The following PDE11A variants were observed in gnomAD, a reference collection of about 807,000 sequenced individuals.
The protein encoded by PDE11A is phosphodiesterase 11A.
A neutral mutation model predicts 100.5 loss-of-function variants in PDE11A; 100 were observed. The ratio of observed to expected loss-of-function variants is 1.00; its 90% confidence interval spans 0.85 to 1.18. PDE11A has a LOEUF of 1.18. Ranked by LOEUF, PDE11A falls within the 50% of genes most tolerant of loss-of-function variation. The pLI is 0.00. For missense variants in PDE11A, 1,141 were observed against 1,152.6 expected, an observed-to-expected ratio of 0.99 and a Z score of 0.15; for synonymous variants, 381 against 420.8, an observed-to-expected ratio of 0.91 and a Z score of 1.16.
At chr2:177,732,580 T>C (rs1328636954) in intron 10 of PDE11A, among the ~76,000 whole-genome samples, 2 of 152,232 alleles carry the variant, frequency 1.3e-5, no homozygotes, top group Non-Finnish European at 2.9e-5. Context: ...TATTCCCTGA[T>C]ACCATTATAA....
In PDE11A at chr2:177,712,318, A is replaced by C. The variant is rs117251030; in HGVS notation, c.2044-440T>G. Among the ~76,000 whole-genome samples, 49 of 150,440 alleles carry C rather than the reference A, an allele frequency of 3.3e-4. No individual in the cohort carries two copies. In the East Asian group the frequency reaches 7.9e-3, roughly 24 times the overall value. On this transcript the variant is annotated intron_variant, in intron 12 of 19. Transcript: ENST00000286063. Reference sequence around the variant, plus strand: ...TGCCAGATCCCACCCAAATGAGAGCAGGCAGAAGGAGAACACAACCCTTCT... The same window carrying C: ...TGCCAGATCCCACCCAAATGAGAGCCGGCAGAAGGAGAACACAACCCTTCT...
In PDE11A at chr2:177,664,146, T is replaced by C. The variant is rs3770005; in HGVS notation, c.2563-197A>G. Among the ~76,000 whole-genome samples the C allele has an allele frequency of 0.58, 87,793 of 152,094 alleles. 29,747 individuals are homozygous for C. The highest frequency in any genetic ancestry group is 0.72 in the Non-Finnish European group (48,963 of 67,978). ...ATGTTTTTACCTCTTTTTATGAGAT[T>C]TGTAAGCAAATTTACTTGAACTTTC... On this transcript the variant is annotated intron_variant, in intron 18 of 19. Transcript: ENST00000286063.
chr2:177,634,112 A>G (rs2079995880), intron 19 of PDE11A, among the ~76,000 whole-genome samples: 2 of 152,102 alleles, frequency 1.3e-5, no homozygotes, highest in African/African-American at 4.8e-5. Context: ...CATTCCACCA[A>G]TTTATTCCTT....
intron 1 of PDE11A, chr2:178,104,561 T>A: frequency 8.7e-7 from 1 of 1,148,982 alleles, no homozygotes; most frequent in Non-Finnish European, 1.3e-6. Flanking sequence ...TTCCATCATT[T>A]TGACTGAAGT....
At chr2:177,746,865 G>A (rs907700788) in intron 10 of PDE11A, among the ~76,000 whole-genome samples, 1 of 152,234 alleles carries the variant, frequency 6.6e-6, no homozygotes, top group Non-Finnish European at 1.5e-5. Flanking sequence ...AAACCTAAAT[G>A]TGAAGTAATA....
At chr2:177,720,748 C>G (rs1472720468) in intron 12 of PDE11A, among the ~76,000 whole-genome samples, 1 of 152,168 alleles carries the variant, frequency 6.6e-6, no homozygotes, top group Non-Finnish European at 1.5e-5. Flanking sequence ...ATGAATGCAA[C>G]CAAATATTGA....
intron 1 of PDE11A, among the ~76,000 whole-genome samples, chr2:178,106,385 C>T (rs984546352): frequency 6.6e-6 from 1 of 152,112 alleles, no homozygotes; most frequent in Non-Finnish European, 1.5e-5. Flanking sequence ...CATGGAAAGC[C>T]GGGTAAGAAA....
chr2:177,777,546 T>G (rs1456757699), intron 9 of PDE11A, among the ~76,000 whole-genome samples: 2 of 152,180 alleles, frequency 1.3e-5, no homozygotes, highest in African/African-American at 2.4e-5. Context: ...CCTTCCTGGA[T>G]AAGTTAGTTT....
At chr2:177,938,119 G>T (rs2085299928) in intron 2 of PDE11A, among the ~76,000 whole-genome samples, 1 of 152,194 alleles carries the variant, frequency 6.6e-6, no homozygotes, top group African/African-American at 2.4e-5. Flanking sequence ...AGGAGTGAAA[G>T]GGAAGGTTGG....
At chr2:178,080,564 G>A (rs2087271986) in intron 2 of PDE11A, among the ~76,000 whole-genome samples, 1 of 152,154 alleles carries the variant, frequency 6.6e-6, no homozygotes, top group African/African-American at 2.4e-5. Context: ...AGAAGAAGAA[G>A]AAGGGTAGAA....
upstream of PDE11A, among the ~76,000 whole-genome samples, chr2:178,077,596 C>A (rs184908445): frequency 2.8e-3 from 424 of 152,242 alleles, 3 homozygotes; most frequent in African/African-American, 9.4e-3. Flanking sequence ...ACATTAAGGC[C>A]TTGTCAAAAG....
chr2:178,028,779 G>A (rs1459449388), intron 1 of PDE11A, among the ~76,000 whole-genome samples: 1 of 152,160 alleles, frequency 6.6e-6, no homozygotes, highest in Non-Finnish European at 1.5e-5. Context: ...AGAAAGATCT[G>A]ATATATCGGC....
chr2:177,807,381 A>T (rs2082887838), intron 9 of PDE11A, among the ~76,000 whole-genome samples: 1 of 152,084 alleles, frequency 6.6e-6, no homozygotes, highest in South Asian at 2.1e-4. Flanking sequence ...TAACAATTGC[A>T]TTGTTCTTAT....
At chr2:177,995,159 A>G (rs1009254375) in intron 2 of PDE11A, among the ~76,000 whole-genome samples, 2 of 152,206 alleles carry the variant, frequency 1.3e-5, no homozygotes, top group African/African-American at 2.4e-5. Context: ...TGTAGTTGAA[A>G]TGGCTTTGGG....
chr2:177,924,334 C>T (rs1574282661), intron 2 of PDE11A, among the ~76,000 whole-genome samples: 1 of 152,248 alleles, frequency 6.6e-6, no homozygotes, highest in Non-Finnish European at 1.5e-5. Flanking sequence ...ATGCTGACTA[C>T]CAAGTAGAGT....
chr2:177,869,671 T>C (rs1430079406), intron 5 of PDE11A, among the ~76,000 whole-genome samples: 2 of 152,224 alleles, frequency 1.3e-5, no homozygotes, highest in Non-Finnish European at 2.9e-5. Context: ...CGTGAATATA[T>C]GACAAGTGGT....
At chr2:177,966,181 G>T (rs191095355) in intron 2 of PDE11A, among the ~76,000 whole-genome samples, 80 of 152,244 alleles carry the variant, frequency 5.3e-4, no homozygotes, top group Middle Eastern at 3.4e-3. Context: ...ATATAGAAAC[G>T]TTATTGATTT....
intron 2 of PDE11A, among the ~76,000 whole-genome samples, chr2:177,953,971 G>T (rs868511938): frequency 6.6e-6 from 1 of 152,010 alleles, no homozygotes; most frequent in East Asian, 1.9e-4. Flanking sequence ...GCATCAATTT[G>T]CAAATATGCC....
At chr2:177,811,633 A>G (rs2082950439) in intron 9 of PDE11A, among the ~76,000 whole-genome samples, 1 of 151,906 alleles carries the variant, frequency 6.6e-6, no homozygotes, top group Non-Finnish European at 1.5e-5. Context: ...AATATGTGAC[A>G]ACAGGGAAAG....
Sources: allele counts gnomAD v4.1 joint callset (sites outside exome capture counted in the v4.1 genomes callset), GRCh38; gene constraint gnomAD v4.1.1; transcripts MANE v1.5; gene names NCBI Gene and HGNC (gene_info 2026-07-23, HGNC 2026-07-21).